SYNPR: variants seen among roughly 807,000 people sequenced by gnomAD.
SYNPR encodes the protein synaptoporin.
A neutral mutation model predicts 32.9 loss-of-function variants in SYNPR; 23 were observed. The observed-to-expected ratio is 0.70, with a 90% CI of 0.50 to 0.99. The LOEUF is 0.99. Ranked by LOEUF, SYNPR falls within the 50% of genes least tolerant of loss-of-function variation. The pLI is 0.00. For synonymous variants in SYNPR, 146 were observed against 135.9 expected (o/e 1.07, Z -0.52); for missense variants, 318 against 349.3 (o/e 0.91, Z 0.71).
intron 2 of SYNPR, among the ~76,000 whole-genome samples, chr3:63,339,469 T>C (rs572780377): frequency 6.6e-6 from 1 of 152,336 alleles, no homozygotes; most frequent in Admixed American, 6.5e-5. Context: ...TGGGAAATTA[T>C]AGTATAACAT....
chr3:63,507,495 G>C (rs1028894121), intron 3 of SYNPR, among the ~76,000 whole-genome samples: 1 of 152,152 alleles, frequency 6.6e-6, no homozygotes, highest in Non-Finnish European at 1.5e-5. Flanking sequence ...GTGTTTATCA[G>C]AAGTGCCACA....
At chr3:63,268,718 G>A (rs1442332001) in intron 3 of SYNPR, among the ~76,000 whole-genome samples, 1 of 152,022 alleles carries the variant, frequency 6.6e-6, no homozygotes, top group African/African-American at 2.4e-5. Flanking sequence ...TGGTGGAGGT[G>A]GAAGAAAATC....
rs562146568 is a variant in SYNPR, at chr3:63,453,143, T to C, written c.85-27689T>C. Among the ~76,000 whole-genome samples the C allele has an allele frequency of 1.5e-4, 23 of 152,274 alleles. No individual in the cohort carries two copies. The South Asian group carries it at 2.9e-3, about 19-fold the overall frequency. On this transcript the variant is annotated intron_variant, in intron 2 of 5. Coordinates refer to ENST00000478300, the MANE Select transcript of SYNPR (RefSeq NM_001130003.2). ...TCCAGATGATTTGCATACACACTTA[T>C]GTTTGAGAAGCTCAGATCTAGCACA...
At chr3:63,390,720 A>T (rs2107083907) in intron 2 of SYNPR, among the ~76,000 whole-genome samples, 1 of 152,242 alleles carries the variant, frequency 6.6e-6, no homozygotes, top group Non-Finnish European at 1.5e-5. Context: ...ACTGTCTTAA[A>T]AATGCACCCC....
chr3:63,272,955 C>A (rs2086548173), intron 3 of SYNPR, among the ~76,000 whole-genome samples: 1 of 152,066 alleles, frequency 6.6e-6, no homozygotes, highest in African/African-American at 2.4e-5. Flanking sequence ...CTTCATGAAT[C>A]TGCAAAAACA....
intron 2 of SYNPR, among the ~76,000 whole-genome samples, chr3:63,398,737 A>G (rs1209524778): frequency 3.4e-5 from 5 of 148,406 alleles, no homozygotes; most frequent in African/African-American, 1.2e-4. Context: ...AAAAAAAAAA[A>G]GTGTACTTTC....
chr3:63,558,660 A>G (rs1052479223), intron 4 of SYNPR, among the ~76,000 whole-genome samples: 7 of 152,148 alleles, frequency 4.6e-5, no homozygotes, highest in Admixed American at 1.3e-4. Flanking sequence ...TAATAATTAC[A>G]TATTAAGTTT....
At chr3:63,204,181 G>C in the SYNPR span, among the ~76,000 whole-genome samples, 3 of 152,148 alleles carry the variant, frequency 2.0e-5, no homozygotes, top group Non-Finnish European at 4.4e-5. Flanking sequence ...CCACAAACCA[G>C]GTGGATAAAA....
chr3:63,313,166 A>G (rs1453415084), intron 2 of SYNPR, among the ~76,000 whole-genome samples: 2 of 152,016 alleles, frequency 1.3e-5, no homozygotes, highest in East Asian at 3.9e-4. Context: ...ATGAATGAGT[A>G]TCTTCCTAAC....
chr3:63,615,753 T>G lies in SYNPR; in HGVS notation c.*272T>G, dbSNP rs963485705. The G allele has an allele frequency of 6.1e-6, 2 of 326,860 alleles. No homozygotes were observed. Among genetic ancestry groups the G allele is most frequent in the Admixed American group, 4.5e-5 (1 of 22,426 alleles). 20.2% of individuals were successfully genotyped at this position (326,860 alleles called of 1,614,324 possible). A position where few individuals can be genotyped will look rare whatever the true frequency, so the allele number is the denominator to read the frequency against. On this transcript the variant is annotated 3_prime_UTR_variant, in exon 6 of 6. Coordinates refer to ENST00000478300, the MANE Select transcript of SYNPR (RefSeq NM_001130003.2). ...TACTTTCATGGTCATTTTGTATGTATGTTAAAGTAGTAGAAGTATTTTGTA... is the reference window on the plus strand; with the variant it reads ...TACTTTCATGGTCATTTTGTATGTAGGTTAAAGTAGTAGAAGTATTTTGTA...
intron 2 of SYNPR, among the ~76,000 whole-genome samples, chr3:63,368,286 T>A (rs2087751806): frequency 6.6e-6 from 1 of 152,190 alleles, no homozygotes; most frequent in Non-Finnish European, 1.5e-5. Context: ...GATAATACAT[T>A]AATGAGTGAC....
At chr3:63,297,268 C>G (rs1438649116) in intron 2 of SYNPR, among the ~76,000 whole-genome samples, 2 of 152,160 alleles carry the variant, frequency 1.3e-5, no homozygotes, top group African/African-American at 2.4e-5. Context: ...AAGGCAACTT[C>G]TAGAAATTTA....
At chr3:63,443,305 T>G in intron 2 of SYNPR, 3 of 1,486,830 alleles carry the variant, frequency 2.0e-6, no homozygotes, top group Non-Finnish European at 2.7e-6. Flanking sequence ...CCCTCTGCAT[T>G]GATTTTCTTC....
intron 2 of SYNPR, among the ~76,000 whole-genome samples, chr3:63,441,496 G>A (rs1195499504): frequency 6.6e-6 from 1 of 152,166 alleles, no homozygotes; most frequent in African/African-American, 2.4e-5. Flanking sequence ...TCAGCACAGA[G>A]ACACTATTCT....
intron 2 of SYNPR, among the ~76,000 whole-genome samples, chr3:63,334,846 G>A (rs2087267843): frequency 6.6e-6 from 1 of 152,068 alleles, no homozygotes. Context: ...AGCGAAAACT[G>A]CAATAACCTT....
chr3:63,554,756 A>G (rs1559534983), intron 3 of SYNPR, among the ~76,000 whole-genome samples: 1 of 152,010 alleles, frequency 6.6e-6, no homozygotes, highest in East Asian at 1.9e-4. Context: ...GAAGAATGAC[A>G]TTGGTAGTTT....
intron 4 of SYNPR, among the ~76,000 whole-genome samples, chr3:63,579,240 G>A (rs1185589932): frequency 6.6e-6 from 1 of 152,060 alleles, no homozygotes; most frequent in Admixed American, 6.6e-5. Flanking sequence ...TTCCTAGGTT[G>A]ATAAACTTAC....
intron 3 of SYNPR, among the ~76,000 whole-genome samples, chr3:63,525,512 C>T (rs2106780293): frequency 6.6e-6 from 1 of 152,308 alleles, no homozygotes; most frequent in South Asian, 2.1e-4. Context: ...TTTCCCTTCC[C>T]TGCTTGTTCT....
At chr3:63,526,111 A>T (rs1235121555) in intron 3 of SYNPR, among the ~76,000 whole-genome samples, 3 of 152,194 alleles carry the variant, frequency 2.0e-5, no homozygotes, top group African/African-American at 7.2e-5. Flanking sequence ...ATTGAGAATG[A>T]CACCAGCCAT....
Sources: gnomAD v4.1 joint callset for allele counts (sites outside exome capture counted in the v4.1 genomes callset) on GRCh38, gnomAD v4.1.1 for gene constraint, MANE v1.5 for transcripts, NCBI Gene and HGNC (gene_info 2026-07-23, HGNC 2026-07-21) for gene names.